Variants in ROBO2 observed in about 807,000 individuals in gnomAD.
The protein encoded by ROBO2 is roundabout homolog 2.
Under a neutral mutation model 160.8 loss-of-function variants are expected in ROBO2, and 53 were observed. The ratio of observed to expected loss-of-function variants is 0.33; its 90% confidence interval spans 0.26 to 0.41. The LOEUF (loss-of-function observed/expected upper bound fraction) is 0.41, where lower values mean the gene tolerates loss of function less well. Among genes scored for constraint, ROBO2 ranks in the 10% least tolerant of loss-of-function variants. The probability of loss-of-function intolerance (pLI) is 1.00; values close to 1 mark genes in which losing one functional copy is unlikely to be tolerated. For synonymous variants in ROBO2, 664 were observed against 611.7 expected (o/e 1.09, Z -1.26); for missense variants, 1,577 against 1,722.4 (o/e 0.92, Z 1.49).
chr3:76,463,698 G>A (rs891363932), intron 2 of ROBO2, among the ~76,000 whole-genome samples: 155 of 152,196 alleles, frequency 1.0e-3, no homozygotes, highest in African/African-American at 3.2e-3. Context: ...ACTCCTCCGC[G>A]CATCCATCAG....
At chr3:77,483,233 T>C (rs2084917513) in intron 4 of ROBO2, among the ~76,000 whole-genome samples, 1 of 152,046 alleles carries the variant, frequency 6.6e-6, no homozygotes, top group South Asian at 2.1e-4. Flanking sequence ...CTTTCCATTA[T>C]TGGTAAGAAA....
Position 76,927,868 on chromosome 3 carries a change from T to C in ROBO2, c.110-170146T>C, listed in dbSNP as rs573907505. The stretch of plus-strand genomic sequence containing the variant: ...GTGAGTGATGGTGAGAAAGATGAAG[T>C]GGTTATGGAGGGAGAGGATGACATA... On this transcript the variant is annotated intron_variant, in intron 2 of 26. Transcript: ENST00000487694. Among the ~76,000 whole-genome samples, 27 of 152,150 alleles carry C rather than the reference T, an allele frequency of 1.8e-4. No individual in the cohort carries two copies. The East Asian group carries it at 2.1e-3, about 12-fold the overall frequency.
At chr3:76,526,747 G>A (rs1256053682) in intron 2 of ROBO2, among the ~76,000 whole-genome samples, 1 of 152,024 alleles carries the variant, frequency 6.6e-6, no homozygotes, top group Non-Finnish European at 1.5e-5. Context: ...TCACTGAAAT[G>A]AGAACAATTT....
chr3:76,828,610 T>A (rs966574884), intron 2 of ROBO2, among the ~76,000 whole-genome samples: 7 of 152,186 alleles, frequency 4.6e-5, no homozygotes, highest in Non-Finnish European at 8.8e-5. Flanking sequence ...TTAGAGTCAC[T>A]GTCCCATTAT....
intron 2 of ROBO2, among the ~76,000 whole-genome samples, chr3:77,343,391 C>T (rs185677268): frequency 5.9e-4 from 89 of 152,124 alleles, no homozygotes; most frequent in East Asian, 2.3e-3. Flanking sequence ...AATAAAAATG[C>T]GTTTCAAATA....
intron 2 of ROBO2, among the ~76,000 whole-genome samples, chr3:77,298,050 T>A (rs1488124014): frequency 6.6e-6 from 1 of 152,032 alleles, no homozygotes; most frequent in East Asian, 1.9e-4. Context: ...ATTCTGCAAA[T>A]CCTCCTCAGC....
chr3:76,487,693 C>T (rs890977370), intron 2 of ROBO2, among the ~76,000 whole-genome samples: 1 of 151,880 alleles, frequency 6.6e-6, no homozygotes, highest in African/African-American at 2.4e-5. Context: ...CCAGCTGCAG[C>T]GATAGACTCA....
chr3:76,551,205 G>C (rs868467585), intron 2 of ROBO2, among the ~76,000 whole-genome samples: 19 of 152,044 alleles, frequency 1.2e-4, no homozygotes, highest in African/African-American at 4.3e-4. Flanking sequence ...CAGAAGTTGG[G>C]ACTACCAGCT....
chr3:76,864,711 G>C (rs551742045), intron 2 of ROBO2, among the ~76,000 whole-genome samples: 4 of 152,014 alleles, frequency 2.6e-5, no homozygotes, highest in African/African-American at 9.6e-5. Context: ...TTTGACATCC[G>C]CAGGCACAAA....
intron 2 of ROBO2, among the ~76,000 whole-genome samples, chr3:76,883,575 C>A (rs2073578314): frequency 6.6e-6 from 1 of 152,132 alleles, no homozygotes; most frequent in Non-Finnish European, 1.5e-5. Context: ...TTATCTCAAA[C>A]CAATTTAGTA....
chr3:76,971,309 A>G (rs2059560721), intron 2 of ROBO2, among the ~76,000 whole-genome samples: 1 of 152,198 alleles, frequency 6.6e-6, no homozygotes, highest in South Asian at 2.1e-4. Flanking sequence ...TGATTGTAAC[A>G]GGAATACAAA....
At chr3:77,148,448 C>A (rs561181767) in intron 2 of ROBO2, among the ~76,000 whole-genome samples, 7 of 152,330 alleles carry the variant, frequency 4.6e-5, no homozygotes, top group South Asian at 2.1e-4. Context: ...CTTCACTCAA[C>A]GCTTAAGAGG....
At chr3:77,141,293 CTT>C (rs2076682311) in intron 2 of ROBO2, among the ~76,000 whole-genome samples, 1 of 151,296 alleles carries the variant, frequency 6.6e-6, no homozygotes, top group African/African-American at 2.4e-5. Context: ...GCCCCCCCCC[CTT>C]GTAATAGGCT....
Position 76,470,582 on chromosome 3 carries a change from A to G in ROBO2, c.109+532980A>G, listed in dbSNP as rs79404378. Among the ~76,000 whole-genome samples the G allele has an allele frequency of 3.7e-3, 557 of 152,246 alleles. 4 individuals carry two copies. The highest frequency in any genetic ancestry group is 0.023 in the South Asian group (113 of 4,828). ...GCTTCTAGGTTCTAAGAAGAAGCAT[A>G]CCAACAACTACCTCAAGAGACTGAG... On this transcript the variant is annotated intron_variant, in intron 2 of 26. Transcript: ENST00000487694.
chr3:76,726,036 T>C lies in ROBO2; in HGVS notation c.110-371978T>C, dbSNP rs535781352. 2.2e-4 allele frequency among the ~76,000 whole-genome samples: 34 copies of C among 152,300 alleles called. 1 individual carries two copies. In the South Asian group the frequency reaches 7.0e-3, roughly 32 times the overall value. On this transcript the variant is annotated intron_variant, in intron 2 of 26. Coordinates refer to the ROBO2 transcript ENST00000487694. ...GGTCCCTTCAAATGCTAAGAAACCA[T>C]CCTTAGAGTACCCAAGAAAGCTAAC...
chr3:77,430,735 C>G (rs185085932), intron 2 of ROBO2, among the ~76,000 whole-genome samples: 35 of 152,228 alleles, frequency 2.3e-4, no homozygotes, highest in African/African-American at 7.9e-4. Flanking sequence ...TTCCTAACCT[C>G]CAGAACTCTA....
intron 2 of ROBO2, among the ~76,000 whole-genome samples, chr3:77,468,438 T>C (rs1282324660): frequency 1.3e-5 from 2 of 152,204 alleles, no homozygotes; most frequent in East Asian, 1.9e-4. Flanking sequence ...ACAGAGGTTA[T>C]GGATACAAAT....
At chr3:75,927,903 T>G in intron 1 of ROBO2, among the ~76,000 whole-genome samples, 1 of 151,826 alleles carries the variant, frequency 6.6e-6, no homozygotes, top group Non-Finnish European at 1.5e-5. Flanking sequence ...ACTGAAGATA[T>G]AGACACACAG....
rs3923744 is a variant in ROBO2 at position 77,040,548 on chromosome 3, T to G, written c.-238T>G. ...TTTGTGGGAATTTAGGAAGCCAGAGTGCTGGAAATACAGCAGCCTTTGAAG... is the reference window on the plus strand; with the variant it reads ...TTTGTGGGAATTTAGGAAGCCAGAGGGCTGGAAATACAGCAGCCTTTGAAG... On this transcript the variant is annotated 5_prime_UTR_variant, in exon 1 of 26. Transcript: ENST00000461745. 0.18 allele frequency: 253,415 copies of G among 1,395,666 alleles called. 24,063 individuals carry two copies. The highest frequency in any genetic ancestry group is 0.27 in the Admixed American group (8,786 of 33,130). 86.5% of individuals were successfully genotyped at this position (1,395,666 alleles called of 1,614,324 possible). A position where few individuals can be genotyped will look rare whatever the true frequency, so the allele number is the denominator to read the frequency against.
Sources: gnomAD v4.1 joint callset for allele counts (sites outside exome capture counted in the v4.1 genomes callset) on GRCh38, gnomAD v4.1.1 for gene constraint, MANE v1.5 for transcripts, NCBI Gene and HGNC (gene_info 2026-07-23, HGNC 2026-07-21) for gene names.